OPA3: variants seen among roughly 807,000 people sequenced by gnomAD.
OPA3 encodes outer mitochondrial membrane lipid metabolism regulator OPA3.
In OPA3, 6 loss-of-function variants were observed where a neutral mutation model predicts 4.0. That is an observed-to-expected ratio of 1.51 (90% CI 0.83 to 2.99). The LOEUF is 2.99. OPA3 is among the 30% of genes most tolerant of loss of function. OPA3 has a pLI of 0.00. For missense variants in OPA3, 235 were observed against 256.2 expected (o/e 0.92, Z 0.56); for synonymous variants, 105 against 117.1 (o/e 0.90, Z 0.67).
Position 45,553,439 on chromosome 19 carries a change from G to C in OPA3, c.*75C>G, listed in dbSNP as rs1439508379. On this transcript the variant is annotated 3_prime_UTR_variant, in exon 2 of 2. Coordinates refer to ENST00000263275, the MANE Select transcript of OPA3 (RefSeq NM_025136.4). ...GGTGGTTTCCACTGGGCCAGCGCAG[G>C]CAAGGGTGGTGCGGGAAGAAGGCCA... The C allele has an allele frequency of 1.2e-6, 2 of 1,602,910 alleles. No homozygotes were observed. The highest frequency in any genetic ancestry group is 1.3e-5 in the African/African-American group (1 of 74,912).
At chr19:45,538,378 A>G (rs778462127) in intron 1 of OPA3, among the ~76,000 whole-genome samples, 1 of 152,128 alleles carries the variant, frequency 6.6e-6, no homozygotes, top group Non-Finnish European at 1.5e-5. Context: ...CTGTGATTGC[A>G]CTACTGCACT....
exon 2 of OPA3, chr19:45,529,319 A>C: frequency 6.2e-7 from 1 of 1,614,172 alleles, no homozygotes; most frequent in Non-Finnish European, 8.5e-7. Flanking sequence ...AGGCAGCTGC[A>C]GGCGGTGATG....
chr19:45,584,249 A>T (rs10409728), intron 1 of OPA3: 3 of 759,636 alleles, frequency 3.9e-6, no homozygotes, highest in Non-Finnish European at 4.8e-6. Flanking sequence ...GCCCAAGGAC[A>T]GCCGGGCAAA....
chr19:45,551,749 G>A lies in OPA3; in HGVS notation c.*1765C>T, dbSNP rs1169893465. The A allele has an allele frequency of 2.0e-6, 2 of 985,572 alleles. No homozygotes were observed. The highest frequency in any genetic ancestry group is 2.4e-6 in the Non-Finnish European group (2 of 830,032). The allele number at this position is 985,572 out of a possible 1,614,324, so 61.1% of individuals were successfully genotyped here. ...TGGTAGGATGGGGGTGGGACCGGGG[G>A]CTATGGAGGCAGGAGGGTACTGCTA... On this transcript the variant is annotated 3_prime_UTR_variant, in exon 2 of 2. Coordinates refer to ENST00000263275, the MANE Select transcript of OPA3 (RefSeq NM_025136.4).
chr19:45,555,779 C>T (rs1969412329), intron 1 of OPA3, among the ~76,000 whole-genome samples: 1 of 152,154 alleles, frequency 6.6e-6, no homozygotes, highest in South Asian at 2.1e-4. Flanking sequence ...GCGTGAGCCA[C>T]CGTGCCTAGT....
chr19:45,546,375 TA>T lies in OPA3; in HGVS notation c.*7138del, dbSNP rs1483997486. 1 of 636,022 alleles carries T rather than the reference TA, an allele frequency of 1.6e-6. No individual in the cohort carries two copies. Among genetic ancestry groups the T allele is most frequent in the African/African-American group, 2.0e-5 (1 of 50,504 alleles). The allele number at this position is 636,022 out of a possible 1,614,324, so 39.4% of individuals were successfully genotyped here. On this transcript the variant is annotated 3_prime_UTR_variant, in exon 2 of 2. Coordinates refer to ENST00000263275, the MANE Select transcript of OPA3 (RefSeq NM_025136.4). ...AGATGATGTTATGTTACACATGACA[TA>T]AAATATATATTTTATATTCCATTAT... is the stretch of plus-strand genomic sequence containing the variant.
intron 1 of OPA3, among the ~76,000 whole-genome samples, chr19:45,561,023 G>C (rs555990247): frequency 2.6e-5 from 4 of 152,194 alleles, no homozygotes; most frequent in Non-Finnish European, 5.9e-5. Context: ...GGGGGACCGG[G>C]GCTCGGGAGC....
At chr19:45,571,578 C>G (rs991103598) in intron 1 of OPA3, among the ~76,000 whole-genome samples, 2 of 151,722 alleles carry the variant, frequency 1.3e-5, no homozygotes, top group African/African-American at 4.8e-5. Flanking sequence ...AGCCTGGCTG[C>G]CATATAATAT....
At chr19:45,557,630 C>T (rs1969441157) in intron 1 of OPA3, among the ~76,000 whole-genome samples, 2 of 152,188 alleles carry the variant, frequency 1.3e-5, no homozygotes, top group Admixed American at 6.5e-5. Flanking sequence ...GTCCATTCTG[C>T]ATCTTGAACA....
intron 1 of OPA3, among the ~76,000 whole-genome samples, chr19:45,539,644 C>G (rs1159002193): frequency 6.6e-6 from 1 of 150,408 alleles, no homozygotes; most frequent in South Asian, 2.1e-4. Flanking sequence ...CCGGGCGTGG[C>G]GGTGCATGTC....
chr19:45,545,114 G>C (rs1338369361), downstream of OPA3, among the ~76,000 whole-genome samples: 2 of 134,676 alleles, frequency 1.5e-5, no homozygotes, highest in Non-Finnish European at 1.5e-5. Flanking sequence ...GTAGGGAGCC[G>C]AAATGGCGCC....
chr19:45,582,183 T>C (rs1969866112), intron 1 of OPA3, among the ~76,000 whole-genome samples: 1 of 151,036 alleles, frequency 6.6e-6, no homozygotes, highest in African/African-American at 2.4e-5. Flanking sequence ...TTTTTTGAGA[T>C]GGATTTTCAC....
At position 45,553,435 on chromosome 19, in the gene OPA3, G is replaced by A. The variant is rs1298625414; in HGVS notation, c.*79C>T. ...TCCTGGTGGTTTCCACTGGGCCAGC[G>A]CAGGCAAGGGTGGTGCGGGAAGAAG... is the stretch of plus-strand genomic sequence containing the variant. On this transcript the variant is annotated 3_prime_UTR_variant, in exon 2 of 2. Coordinates refer to ENST00000263275, the MANE Select transcript of OPA3 (RefSeq NM_025136.4). The A allele has an allele frequency of 1.5e-5, 24 of 1,601,822 alleles. No individual in the cohort carries two copies. The highest frequency in any genetic ancestry group is 4.5e-5 in the East Asian group (2 of 44,856).
intron 1 of OPA3, among the ~76,000 whole-genome samples, chr19:45,568,166 C>A (rs12460756): frequency 1.3e-5 from 2 of 151,934 alleles, no homozygotes; most frequent in Non-Finnish European, 2.9e-5. Context: ...ACCTGGCAAT[C>A]CAGTCAATTT....
At chr19:45,559,082 C>T (rs1318951419) in intron 1 of OPA3, among the ~76,000 whole-genome samples, 1 of 152,132 alleles carries the variant, frequency 6.6e-6, no homozygotes, top group Admixed American at 6.6e-5. Flanking sequence ...CGGGATTTCA[C>T]CATGTTGGCC....
Position 45,550,671 on chromosome 19 carries a change from C to A in OPA3, c.*2843G>T. The A allele has an allele frequency of 2.0e-6, 2 of 986,004 alleles. No individual in the cohort carries two copies. Among genetic ancestry groups the A allele is most frequent in the Non-Finnish European group, 2.4e-6 (2 of 830,274 alleles). The allele number at this position is 986,004 out of a possible 1,614,324, so 61.1% of individuals were successfully genotyped here. Reference sequence around the variant, plus strand: ...CCCAGCTCATAGGGTGACTCTTGGGCCTCTCCCCATCAGAACCCTCCCAGT... The same window carrying A: ...CCCAGCTCATAGGGTGACTCTTGGGACTCTCCCCATCAGAACCCTCCCAGT... On this transcript the variant is annotated 3_prime_UTR_variant, in exon 2 of 2. Transcript: ENST00000263275.
chr19:45,527,826 T>C (rs1213860624), exon 2 of OPA3: 4 of 152,210 alleles, frequency 2.6e-5, no homozygotes, highest in Non-Finnish European at 4.4e-5. Context: ...ATTTATAAAG[T>C]AGCATTCAGA....
intron 1 of OPA3, among the ~76,000 whole-genome samples, chr19:45,535,335 G>A (rs117254087): frequency 1.3e-5 from 2 of 148,912 alleles, no homozygotes; most frequent in East Asian, 2.0e-4. Context: ...ACTGATTTCC[G>A]TACCTTATAT....
rs146126868 is a variant in OPA3 at position 45,553,466 on chromosome 19, G to A, written c.*48C>T. The A allele has an allele frequency of 1.0e-4, 166 of 1,609,248 alleles. No homozygotes were observed. The East Asian group carries it at 3.6e-3, about 35-fold the overall frequency. On this transcript the variant is annotated 3_prime_UTR_variant, in exon 2 of 2. Coordinates refer to ENST00000263275, the MANE Select transcript of OPA3 (RefSeq NM_025136.4). ...AAGGGTGGTGCGGGAAGAAGGCCAC[G>A]TTAGGTACATAGGCCATGTCCAAAT... is the stretch of plus-strand genomic sequence containing the variant.
Sources: allele counts gnomAD v4.1 joint callset (sites outside exome capture counted in the v4.1 genomes callset), GRCh38; gene constraint gnomAD v4.1.1; transcripts MANE v1.5; gene names NCBI Gene and HGNC (gene_info 2026-07-23, HGNC 2026-07-21).